RHPN2: variants seen among roughly 807,000 people sequenced by gnomAD.
RHPN2 encodes rhophilin-2.
A neutral mutation model predicts 79.0 loss-of-function variants in RHPN2; 40 were observed. The ratio of observed to expected loss-of-function variants is 0.51; its 90% confidence interval spans 0.39 to 0.66. The LOEUF (loss-of-function observed/expected upper bound fraction) is 0.66, where lower values mean the gene tolerates loss of function less well. Ranked by LOEUF, RHPN2 falls within the 30% of genes least tolerant of loss-of-function variation. The pLI is 0.00. For synonymous variants in RHPN2, 285 were observed against 363.5 expected, an observed-to-expected ratio of 0.78 and a Z score of 2.46; for missense variants, 686 against 883.5, an observed-to-expected ratio of 0.78 and a Z score of 2.83.
chr19:33,011,049 C>T (rs1257263117), intron 6 of RHPN2, among the ~76,000 whole-genome samples: 1 of 152,138 alleles, frequency 6.6e-6, no homozygotes, highest in Admixed American at 6.6e-5. Flanking sequence ...ACCACCCTGA[C>T]GTGCCTGATC....
At chr19:33,009,505 C>T (rs1259004843) in intron 6 of RHPN2, among the ~76,000 whole-genome samples, 6 of 152,152 alleles carry the variant, frequency 3.9e-5, no homozygotes, top group Admixed American at 6.6e-5. Context: ...GGCTGGAGTG[C>T]GGTGGCATGA....
rs1172968058 is a variant in RHPN2, at chr19:32,990,549, T to C, written c.1765A>G (p.Lys589Glu). 6.2e-7 allele frequency: 1 copy of C among 1,613,854 alleles called. No homozygotes were observed. The highest frequency in any genetic ancestry group is 1.7e-5 in the Admixed American group (1 of 59,964). Residue 589 changes from lysine (K) to glutamate (E), a missense_variant, in exon 14 of 15, where the codon AAA becomes GAA. Physicochemically the swap from Lys to Glu is moderately conservative, Grantham distance 56. Transcript: ENST00000254260. ...KSFGEDEIEM[K>E]VVSLLDSTSS... The stretch of plus-strand genomic sequence containing the variant: ...GTGGAGTCCAGGAGGCTCACGACTT[T>C]CATCTCGATCTCGTCCTCGCCAAAG...
intron 1 of RHPN2, among the ~76,000 whole-genome samples, chr19:33,044,809 G>A (rs560747898): frequency 2.6e-5 from 4 of 152,248 alleles, no homozygotes; most frequent in South Asian, 2.1e-4. Flanking sequence ...CACGAGAATC[G>A]CTTGAACCTG....
At chr19:33,048,732 A>AAAAAAAAACAAAAAAAAC (rs1972163041) in intron 1 of RHPN2, among the ~76,000 whole-genome samples, 1 of 151,002 alleles carries the variant, frequency 6.6e-6, no homozygotes. Context: ...TCTCAAAAAA[A>AAAAAAAAACAAAAAAAAC]AAAAAAAAAA....
Position 33,003,581 on chromosome 19 carries a change from C to T in RHPN2, c.761-581G>A, listed in dbSNP as rs144006147. ...AGCTGAAAAGTGGAAACCACCCAGA[C>T]GTCCATGAGCAGATGAATGATTAAA... is the stretch of plus-strand genomic sequence containing the variant. On this transcript the variant is annotated intron_variant, in intron 7 of 14. Transcript: ENST00000254260. Among the ~76,000 whole-genome samples the T allele has an allele frequency of 4.3e-4, 66 of 152,146 alleles. No homozygotes were observed. In the Middle Eastern group the frequency reaches 0.024, roughly 55 times the overall value.
intron 2 of RHPN2, among the ~76,000 whole-genome samples, chr19:33,042,203 A>AAAG (rs1972106245): frequency 6.6e-6 from 1 of 151,244 alleles, no homozygotes; most frequent in East Asian, 1.9e-4. Context: ...AAAAAAAAAA[A>AAAG]GGTGCTCAAT....
At chr19:32,986,934 G>A (rs7251283) in intron 14 of RHPN2, among the ~76,000 whole-genome samples, 60,181 of 151,380 alleles carry the variant, frequency 0.4, 12,120 homozygotes, top group East Asian at 0.48. Flanking sequence ...GGAGTGCAGT[G>A]GTACAATCAT....
At chr19:33,058,197 G>A (rs2145273871) in intron 1 of RHPN2, among the ~76,000 whole-genome samples, 1 of 152,216 alleles carries the variant, frequency 6.6e-6, no homozygotes, top group Admixed American at 6.5e-5. Flanking sequence ...TCCTTTTCAA[G>A]CATGGCCGGA....
At chr19:33,053,353 C>T (rs1208631743) in intron 1 of RHPN2, among the ~76,000 whole-genome samples, 1 of 151,818 alleles carries the variant, frequency 6.6e-6, no homozygotes, top group Admixed American at 6.6e-5. Flanking sequence ...CATGAATCAA[C>T]TGTATTTCCA....
At chr19:32,992,970 T>C (rs1225690291) in intron 12 of RHPN2, among the ~76,000 whole-genome samples, 2 of 150,080 alleles carry the variant, frequency 1.3e-5, no homozygotes, top group East Asian at 4.0e-4. Flanking sequence ...AAATGAAAAT[T>C]AGTTGGACAT....
At chr19:32,981,291 T>A (rs148773727) in intron 14 of RHPN2, among the ~76,000 whole-genome samples, 63 of 151,800 alleles carry the variant, frequency 4.2e-4, no homozygotes, top group African/African-American at 1.5e-3. Context: ...CAGTCCCAGC[T>A]ACCTGGGAGG....
chr19:32,995,952 A>T (rs563357287), intron 11 of RHPN2, 74 bp downstream of exon 11: 2 of 1,449,788 alleles, frequency 1.4e-6, no homozygotes, highest in Non-Finnish European at 1.9e-6. Context: ...GGCTCGCTCA[A>T]CCCCCACAGG....
intron 2 of RHPN2, among the ~76,000 whole-genome samples, chr19:33,037,130 A>G (rs1428856125): frequency 6.6e-6 from 1 of 152,036 alleles, no homozygotes; most frequent in Non-Finnish European, 1.5e-5. Context: ...ACCGATCGGC[A>G]CTCTGTATCT....
chr19:33,007,863 G>A (rs529086493), intron 7 of RHPN2, 151 bp downstream of exon 7: 931 of 854,400 alleles, frequency 1.1e-3, no homozygotes, highest in Non-Finnish European at 1.1e-3. Context: ...GCGCCCGGCC[G>A]GAGCAAGTTT....
chr19:32,996,421 T>C (rs1179845092), intron 10 of RHPN2: 2 of 633,652 alleles, frequency 3.2e-6, no homozygotes, highest in East Asian at 5.6e-5. Context: ...TTTTAGTTTC[T>C]TCACTTGCAG....
intron 1 of RHPN2, among the ~76,000 whole-genome samples, chr19:33,059,883 C>T (rs1972265307): frequency 6.6e-6 from 1 of 152,174 alleles, no homozygotes; most frequent in Non-Finnish European, 1.5e-5. Context: ...GCTTTCCTCC[C>T]ACCTCTCTAC....
intron 12 of RHPN2, among the ~76,000 whole-genome samples, chr19:32,992,891 G>A (rs1170150432): frequency 1.3e-5 from 2 of 150,830 alleles, no homozygotes; most frequent in South Asian, 2.1e-4. Context: ...ACTCTGGGAC[G>A]CCTAGGCAGG....
chr19:33,012,767 A>G (rs1408670513), intron 4 of RHPN2, 43 bp from the exon 5 acceptor site: 4 of 1,134,916 alleles, frequency 3.5e-6, no homozygotes, highest in Non-Finnish European at 4.0e-6. Context: ...TGTGGCTGAA[A>G]ACCATATGTG....
chr19:33,002,493 T>TA (rs1971757890), intron 8 of RHPN2, 90 bp from the exon 9 acceptor site: 1 of 1,511,388 alleles, frequency 6.6e-7, no homozygotes, highest in South Asian at 1.1e-5. Flanking sequence ...CTTCTTCCCA[T>TA]GCAACAGCCC....
Sources: allele counts gnomAD v4.1 joint callset (sites outside exome capture counted in the v4.1 genomes callset), GRCh38; gene constraint gnomAD v4.1.1; transcripts MANE v1.5; gene names NCBI Gene and HGNC (gene_info 2026-07-23, HGNC 2026-07-21).